Variants in GALNT13 observed in about 807,000 individuals in gnomAD.
The protein encoded by GALNT13 is polypeptide N-acetylgalactosaminyltransferase 13.
In GALNT13, 28 loss-of-function variants were observed where a neutral mutation model predicts 64.2. The observed-to-expected ratio is 0.44, with a 90% CI of 0.32 to 0.60. The LOEUF (loss-of-function observed/expected upper bound fraction) is 0.60. Among genes scored for constraint, GALNT13 ranks in the 20% least tolerant of loss-of-function variants. The pLI is 0.05. For synonymous variants in GALNT13, 214 were observed against 224.6 expected (o/e 0.95, Z 0.42); for missense variants, 577 against 669.8 (o/e 0.86, Z 1.53).
At chr2:153,405,801 C>T in the GALNT13 span, among the ~76,000 whole-genome samples, 2,339 of 152,264 alleles carry the variant, frequency 0.015, 174 homozygotes, top group Admixed American at 0.13. Flanking sequence ...ATTATGCTTA[C>T]AGGACAAGGT....
chr2:153,934,840 C>A lies in GALNT13; in HGVS notation c.-104-9554C>A, dbSNP rs75351087. ...AACACAGTTATGAAAAGTGGCCTGG[C>A]TGTTTGGGGCCTTGCATTCTTGGCA... On this transcript the variant is annotated intron_variant, in intron 2 of 12. Coordinates refer to ENST00000392825, the MANE Select transcript of GALNT13 (RefSeq NM_052917.4). 6.6e-5 allele frequency among the ~76,000 whole-genome samples: 10 copies of A among 152,228 alleles called. No homozygotes were observed. In the East Asian group the frequency reaches 1.9e-3, roughly 29 times the overall value.
chr2:154,432,656 T>G (rs994665829), intron 11 of GALNT13, among the ~76,000 whole-genome samples: 3 of 152,320 alleles, frequency 2.0e-5, no homozygotes, highest in Admixed American at 1.3e-4. Context: ...TTGCCAACAA[T>G]CCTTGGTGTC....
At chr2:153,519,866 G>C in the GALNT13 span, among the ~76,000 whole-genome samples, 1 of 152,036 alleles carries the variant, frequency 6.6e-6, no homozygotes, top group Non-Finnish European at 1.5e-5. Context: ...TATTTCTTAG[G>C]TAAATCCAGA....
chr2:153,069,666 A>G, the GALNT13 span, among the ~76,000 whole-genome samples: 2 of 152,186 alleles, frequency 1.3e-5, no homozygotes, highest in South Asian at 4.1e-4. Flanking sequence ...ATTTGCTGAG[A>G]TGTAAGCTGC....
chr2:153,964,002 T>A (rs1693142888), intron 3 of GALNT13, among the ~76,000 whole-genome samples: 1 of 152,080 alleles, frequency 6.6e-6, no homozygotes, highest in African/African-American at 2.4e-5. Flanking sequence ...TCTGGAAGAT[T>A]TATGGTTTTA....
At chr2:153,823,323 C>G in the GALNT13 span, among the ~76,000 whole-genome samples, 1 of 152,078 alleles carries the variant, frequency 6.6e-6, no homozygotes, top group African/African-American at 2.4e-5. Context: ...CAAAGCAACC[C>G]AAAGTGAAAA....
chr2:153,096,854 A>T, the GALNT13 span, among the ~76,000 whole-genome samples: 5 of 151,948 alleles, frequency 3.3e-5, no homozygotes, highest in Admixed American at 2.0e-4. Context: ...AGTTTAGTTC[A>T]TTTACATTCA....
At chr2:154,084,902 T>C (rs2105423751) in intron 3 of GALNT13, among the ~76,000 whole-genome samples, 1 of 152,114 alleles carries the variant, frequency 6.6e-6, no homozygotes, top group South Asian at 2.1e-4. Context: ...AATTTCTATA[T>C]TCTCTTTCAC....
At chr2:153,700,077 C>A in the GALNT13 span, among the ~76,000 whole-genome samples, 4 of 151,996 alleles carry the variant, frequency 2.6e-5, no homozygotes, top group Admixed American at 6.6e-5. Flanking sequence ...TTGATGGATA[C>A]CAACGCAAAA....
At chr2:154,393,661 G>C (rs1194938638) in intron 9 of GALNT13, among the ~76,000 whole-genome samples, 1 of 152,150 alleles carries the variant, frequency 6.6e-6, no homozygotes, top group Non-Finnish European at 1.5e-5. Flanking sequence ...AAATGCCAGG[G>C]GGCGGCTTAG....
At chr2:153,611,340 C>G in the GALNT13 span, among the ~76,000 whole-genome samples, 2 of 152,074 alleles carry the variant, frequency 1.3e-5, no homozygotes, top group South Asian at 4.1e-4. Context: ...AAGCTCCAGG[C>G]CCCTGCCCCC....
At chr2:154,219,957 A>G (rs773595865) in intron 4 of GALNT13, among the ~76,000 whole-genome samples, 1 of 152,130 alleles carries the variant, frequency 6.6e-6, no homozygotes, top group Non-Finnish European at 1.5e-5. Flanking sequence ...AAGAATAAGG[A>G]CACATATCAT....
the GALNT13 span, among the ~76,000 whole-genome samples, chr2:153,515,756 C>G: frequency 6.6e-6 from 1 of 151,764 alleles, no homozygotes; most frequent in African/African-American, 2.4e-5. Flanking sequence ...TTAAGTTATG[C>G]AGAAAAAATG....
intron 8 of GALNT13, among the ~76,000 whole-genome samples, chr2:154,298,529 A>G (rs1360755587): frequency 1.3e-5 from 1 of 78,832 alleles, no homozygotes; most frequent in South Asian, 4.6e-4. Flanking sequence ...TATATATAAA[A>G]TTGTATATAT....
the GALNT13 span, among the ~76,000 whole-genome samples, chr2:153,853,777 A>G: frequency 1.4e-4 from 21 of 150,598 alleles, no homozygotes; most frequent in African/African-American, 4.8e-4. Flanking sequence ...AATATAATAT[A>G]CACTGTGTGA....
chr2:153,172,950 C>G, the GALNT13 span, among the ~76,000 whole-genome samples: 3 of 152,054 alleles, frequency 2.0e-5, no homozygotes, highest in African/African-American at 4.8e-5. Flanking sequence ...ATGTCTAAGG[C>G]AGATTATTTA....
At chr2:153,488,594 G>A in the GALNT13 span, among the ~76,000 whole-genome samples, 1 of 152,200 alleles carries the variant, frequency 6.6e-6, no homozygotes, top group Non-Finnish European at 1.5e-5. Context: ...CATTGCTGGA[G>A]AGCCTGCCTT....
the GALNT13 span, among the ~76,000 whole-genome samples, chr2:153,081,114 G>GT: frequency 6.6e-6 from 1 of 151,578 alleles, no homozygotes; most frequent in Admixed American, 6.6e-5. Flanking sequence ...TCAGTTCTGT[G>GT]TTTTTTTGCA....
At chr2:153,553,327 C>T in the GALNT13 span, among the ~76,000 whole-genome samples, 2 of 151,052 alleles carry the variant, frequency 1.3e-5, no homozygotes, top group Non-Finnish European at 1.5e-5. Context: ...GGTGAAACTC[C>T]ATCTCTACAG....
Sources: gnomAD v4.1 joint callset for allele counts (sites outside exome capture counted in the v4.1 genomes callset) on GRCh38, gnomAD v4.1.1 for gene constraint, MANE v1.5 for transcripts, NCBI Gene and HGNC (gene_info 2026-07-23, HGNC 2026-07-21) for gene names.